UTRN: variants seen among roughly 807,000 people sequenced by gnomAD.
UTRN encodes the protein utrophin.
A neutral mutation model predicts 463.9 loss-of-function variants in UTRN; 283 were observed. That is an observed-to-expected ratio of 0.61 (90% CI 0.55 to 0.67). The LOEUF (loss-of-function observed/expected upper bound fraction) is 0.67. UTRN is among the 30% of genes least tolerant of loss of function. UTRN has a pLI of 0.00. For missense variants in UTRN, 3,922 were observed against 4,084.3 expected (o/e 0.96, Z 1.08); for synonymous variants, 1,442 against 1,431.5 (o/e 1.01, Z -0.17).
At chr6:144,630,901 T>A (rs1172136187) in intron 51 of UTRN, among the ~76,000 whole-genome samples, 1 of 152,042 alleles carries the variant, frequency 6.6e-6, no homozygotes, top group East Asian at 1.9e-4. Flanking sequence ...CTTTTCAGAT[T>A]TTTTTTTCAT....
At chr6:144,705,703 T>C (rs1785023415) in intron 53 of UTRN, among the ~76,000 whole-genome samples, 1 of 152,144 alleles carries the variant, frequency 6.6e-6, no homozygotes, top group African/African-American at 2.4e-5. Flanking sequence ...AGTAGTTCCA[T>C]TTCTACACAG....
At chr6:144,823,270 T>C (rs1562952918) in intron 66 of UTRN, among the ~76,000 whole-genome samples, 2 of 152,072 alleles carry the variant, frequency 1.3e-5, no homozygotes, top group Non-Finnish European at 2.9e-5. Context: ...CTAGATATAG[T>C]GGGCAGGTTT....
At chr6:144,676,527 G>GT (rs1241338276) in intron 51 of UTRN, among the ~76,000 whole-genome samples, 17 of 149,270 alleles carry the variant, frequency 1.1e-4, no homozygotes, top group South Asian at 2.1e-4. Flanking sequence ...TTAAAAGTTT[G>GT]TTTTTTTTTT....
chr6:144,704,371 A>G (rs1171946101), intron 53 of UTRN, among the ~76,000 whole-genome samples: 1 of 152,234 alleles, frequency 6.6e-6, no homozygotes, highest in Non-Finnish European at 1.5e-5. Context: ...TTAGTGTATA[A>G]TGCTAGCTTT....
intron 54 of UTRN, among the ~76,000 whole-genome samples, chr6:144,738,615 A>G (rs1438570239): frequency 1.3e-5 from 2 of 152,228 alleles, no homozygotes; most frequent in Non-Finnish European, 2.9e-5. Context: ...TAACAATTTT[A>G]TAGGCTATCT....
chr6:144,744,320 ATGTGTGTG>A (rs757430794), intron 54 of UTRN, among the ~76,000 whole-genome samples: 4 of 95,448 alleles, frequency 4.2e-5, no homozygotes, highest in Non-Finnish European at 6.1e-5. Context: ...ATATATATAT[ATGTGTGTG>A]TGTGTGTGTG....
At position 144,700,588 on chromosome 6, in the gene UTRN, A is replaced by C. The variant is rs1178565723; in HGVS notation, c.7809+345A>C. On this transcript the variant is annotated intron_variant, in intron 53 of 74. Coordinates refer to ENST00000367545, the MANE Select transcript of UTRN (RefSeq NM_007124.3). ...TTTTGTTTGTTTGTTTGTTTGTTTT[A>C]CCAAGTTTCACTCTTGTTGCCCAGG... Among the ~76,000 whole-genome samples the C allele has an allele frequency of 1.3e-5, 2 of 151,846 alleles. 1 individual carries two copies. Among genetic ancestry groups the C allele is most frequent in the Admixed American group, 1.3e-4 (2 of 15,234 alleles).
chr6:144,763,523 A>G (rs927132472), intron 58 of UTRN, among the ~76,000 whole-genome samples: 1 of 152,206 alleles, frequency 6.6e-6, no homozygotes, highest in African/African-American at 2.4e-5. Context: ...GTTCATTTGC[A>G]TAGATTGTAT....
At chr6:144,813,194 TA>T (rs1225486125) in intron 65 of UTRN, among the ~76,000 whole-genome samples, 8 of 150,846 alleles carry the variant, frequency 5.3e-5, no homozygotes, top group African/African-American at 2.0e-4. Flanking sequence ...TTTATTTATT[TA>T]TTTATTTTTT....
intron 50 of UTRN, among the ~76,000 whole-genome samples, chr6:144,564,373 C>T (rs60530618): frequency 0.21 from 31,623 of 151,950 alleles, 3,501 homozygotes; most frequent in South Asian, 0.31. Context: ...AGTCATGAGG[C>T]AGGAAAGAGC....
intron 69 of UTRN, among the ~76,000 whole-genome samples, chr6:144,829,370 T>C (rs375371415): frequency 2.9e-4 from 44 of 152,204 alleles, no homozygotes; most frequent in African/African-American, 1.0e-3. Context: ...AAAAGCCTCA[T>C]TGACTTTAGA....
chr6:144,694,766 G>A (rs13194956), intron 52 of UTRN, among the ~76,000 whole-genome samples: 39,730 of 151,618 alleles, frequency 0.26, 5,986 homozygotes, highest in Admixed American at 0.44. Context: ...ATTTATTTGA[G>A]TCTTCTCTCT....
At chr6:144,318,590 A>T (rs1006982967) in intron 2 of UTRN, among the ~76,000 whole-genome samples, 1 of 152,262 alleles carries the variant, frequency 6.6e-6, no homozygotes, top group Non-Finnish European at 1.5e-5. Flanking sequence ...CAGCCTCCCG[A>T]GTAGCTGGGA....
At chr6:144,569,052 G>T (rs982641801) in intron 50 of UTRN, among the ~76,000 whole-genome samples, 15 of 151,970 alleles carry the variant, frequency 9.9e-5, no homozygotes, top group Admixed American at 2.6e-4. Context: ...ATCATGTGGA[G>T]TTCCTTGAGA....
chr6:144,484,344 G>A (rs898087799), intron 27 of UTRN, among the ~76,000 whole-genome samples: 2 of 151,848 alleles, frequency 1.3e-5, no homozygotes, highest in African/African-American at 2.4e-5. Context: ...GGAATTGGGT[G>A]GGGCCCAGGA....
chr6:144,312,349 A>G (rs1305438244), intron 2 of UTRN, among the ~76,000 whole-genome samples: 2 of 151,448 alleles, frequency 1.3e-5, no homozygotes, highest in African/African-American at 2.4e-5. Context: ...GTGTGAACCC[A>G]GGAGGCGGAG....
chr6:144,398,493 G>C (rs1276912675), intron 2 of UTRN: 2 of 339,312 alleles, frequency 5.9e-6, no homozygotes, highest in Non-Finnish European at 5.8e-6. Context: ...GGTTATCCAG[G>C]ACAGTGATAT....
intron 2 of UTRN, among the ~76,000 whole-genome samples, chr6:144,322,197 T>C (rs1287611125): frequency 1.3e-5 from 2 of 152,252 alleles, no homozygotes; most frequent in Non-Finnish European, 2.9e-5. Flanking sequence ...GCAGTTTTTT[T>C]TCACATGGAA....
chr6:144,507,546 G>T (rs188143814), intron 34 of UTRN, among the ~76,000 whole-genome samples: 109 of 152,240 alleles, frequency 7.2e-4, no homozygotes, highest in Admixed American at 5.8e-3. Context: ...GCTGGAGTTT[G>T]CTGGAGGTCC....
Sources: allele counts gnomAD v4.1 joint callset (sites outside exome capture counted in the v4.1 genomes callset), GRCh38; gene constraint gnomAD v4.1.1; transcripts MANE v1.5; gene names NCBI Gene and HGNC (gene_info 2026-07-23, HGNC 2026-07-21).